DCTN2: variants seen among roughly 807,000 people sequenced by gnomAD.
DCTN2 encodes 50 kDa dynein-associated polypeptide.
A neutral mutation model predicts 55.4 loss-of-function variants in DCTN2; 18 were observed. The observed-to-expected ratio is 0.32, with a 90% CI of 0.22 to 0.48. The LOEUF (loss-of-function observed/expected upper bound fraction) is 0.48. Ranked by LOEUF, DCTN2 falls within the 20% of genes least tolerant of loss-of-function variation. The pLI is 0.99. For synonymous variants in DCTN2, 168 were observed against 185.2 expected (o/e 0.91, Z 0.76); for missense variants, 390 against 491.0 (o/e 0.79, Z 1.94).
rs781008845 is a variant in DCTN2, at chr12:57,530,638, CAG to C, written c.*49_*50del. ...GGGGAAACCCTATGTAAGCTGTTAACAGAGTTCACAGGGGTAGGGATAACCCC... is the reference window on the plus strand; with the variant it reads ...GGGGAAACCCTATGTAAGCTGTTAACAGTTCACAGGGGTAGGGATAACCCC... On this transcript the variant is annotated 3_prime_UTR_variant, in exon 14 of 14. Transcript: ENST00000548249. 4.0e-6 allele frequency: 6 copies of C among 1,489,050 alleles called. No individual in the cohort carries two copies. The highest frequency in any genetic ancestry group is 4.7e-6 in the Non-Finnish European group (5 of 1,071,744). The allele number at this position is 1,489,050 out of a possible 1,614,324, so 92.2% of individuals were successfully genotyped here.
At position 57,535,836 on chromosome 12, in the gene DCTN2, T is replaced by C; in HGVS notation, c.115A>G (p.Thr39Ala). 1 of 1,613,148 alleles carries C rather than the reference T, an allele frequency of 6.2e-7. No individual in the cohort carries two copies. Among genetic ancestry groups the C allele is most frequent in the Admixed American group, 1.7e-5 (1 of 59,882 alleles). ...ATGATGTGTTCCACACTTGTGCTTG[T>C]CAGCTCCTCCTGCAAGAACAGGTAG... ...DQAEFDAEEL[T>A]STSVEHIIVN... Residue 39 changes from threonine (T) to alanine (A), a missense_variant, in exon 3 of 14, where the codon ACA (threonine) becomes GCA (alanine). Physicochemically the swap from Thr to Ala is moderately conservative, Grantham distance 58 (BLOSUM62 0). Coordinates refer to ENST00000548249, the MANE Select transcript of DCTN2 (RefSeq NM_001261413.2).
chr12:57,546,206 G>A (rs1881139216), intron 1 of DCTN2, 110 bp from the exon 2 acceptor site: 2 of 1,026,920 alleles, frequency 1.9e-6, no homozygotes, highest in Admixed American at 3.9e-5. Flanking sequence ...TGATGTCAGG[G>A]TTCTGTCCTT....
intron 13 of DCTN2, among the ~76,000 whole-genome samples, chr12:57,531,023 CT>C (rs1454162925): frequency 6.6e-6 from 1 of 152,170 alleles, no homozygotes; most frequent in East Asian, 1.9e-4. Context: ...TTTTTAAAAT[CT>C]GTTTTATGTA....
chr12:57,541,847 C>T (rs1273774207), intron 2 of DCTN2, among the ~76,000 whole-genome samples: 1 of 152,174 alleles, frequency 6.6e-6, no homozygotes, highest in Non-Finnish European at 1.5e-5. Flanking sequence ...CCCCAATTAA[C>T]CTGGGAGTGT....
intron 2 of DCTN2, chr12:57,538,117 G>A (rs1457789179): frequency 1.5e-5 from 5 of 328,298 alleles, no homozygotes; most frequent in South Asian, 5.2e-5. Context: ...TCTTATTTAC[G>A]TTCCTAAGTA....
In DCTN2 at chr12:57,544,240, G is replaced by A. The variant is rs1345216434; in HGVS notation, c.105+1788C>T. On this transcript the variant is annotated intron_variant, in intron 2 of 13. Coordinates refer to ENST00000548249, the MANE Select transcript of DCTN2 (RefSeq NM_001261413.2). ...AGGACCTCCCTTGATACCAAAATCT[G>A]CATATGTTCCCATCTTCTATATAAA... The A allele has an allele frequency of 8.0e-6, 3 of 375,108 alleles. No individual in the cohort carries two copies. In the East Asian group the frequency reaches 2.2e-4, roughly 27 times the overall value. 23.2% of individuals were successfully genotyped at this position (375,108 alleles called of 1,614,324 possible). A position where few individuals can be genotyped will look rare whatever the true frequency, so the allele number is the denominator to read the frequency against.
At position 57,532,984 on chromosome 12, in the gene DCTN2, C is replaced by G; in HGVS notation, c.774G>C (p.Met258Ile). ...LSAGLQGACLMETVELLQAKV... is the reference protein window; with the variant it reads ...LSAGLQGACLIETVELLQAKV... ...ACACTCCAGTTTCTTCCAAACTCAC[C>G]ATGAGACAGGCTCCCTGTAGACCTG... The change falls in exon 9 of 14, where the codon ATG (methionine) becomes ATC (isoleucine). Residue 258 changes from methionine (M) to isoleucine (I), a missense_variant and splice_region_variant. By Grantham distance (10) the Met-to-Ile change is conservative (BLOSUM62 1). Coordinates refer to ENST00000548249, the MANE Select transcript of DCTN2 (RefSeq NM_001261413.2). 1.9e-6 allele frequency: 3 copies of G among 1,603,262 alleles called. No individual in the cohort carries two copies. Among genetic ancestry groups the G allele is most frequent in the Non-Finnish European group, 2.6e-6 (3 of 1,175,094 alleles).
At chr12:57,540,701 T>C (rs553551102) in intron 2 of DCTN2, among the ~76,000 whole-genome samples, 35 of 152,330 alleles carry the variant, frequency 2.3e-4, no homozygotes, top group African/African-American at 8.4e-4. Flanking sequence ...ACAAGGAAGA[T>C]GGACAGAGCT....
chr12:57,546,950 C>A, intron 1 of DCTN2, 78 bp downstream of exon 1: 2 of 1,161,370 alleles, frequency 1.7e-6, no homozygotes, highest in South Asian at 4.2e-5. Flanking sequence ...CGGGAGGGGT[C>A]GCGGGCTGGT....
rs1038138891 is a variant in DCTN2, at chr12:57,532,889, A to G, written c.775-79T>C. The G allele has an allele frequency of 8.2e-5, 131 of 1,596,980 alleles. No homozygotes were observed. In the South Asian group the frequency reaches 1.4e-3, roughly 17 times the overall value. On this transcript the variant is annotated intron_variant, in intron 9 of 13. Coordinates refer to ENST00000548249, the MANE Select transcript of DCTN2 (RefSeq NM_001261413.2). ...AGGCCTCCCATATTCCACTAAATTA[A>G]TATATAGCTACAAACTCAAAAATAA...
chr12:57,545,460 T>A (rs1881072736), intron 2 of DCTN2, among the ~76,000 whole-genome samples: 1 of 152,142 alleles, frequency 6.6e-6, no homozygotes, highest in African/African-American at 2.4e-5. Flanking sequence ...TTAAAATGTA[T>A]CCGTACCTAA....
chr12:57,538,921 T>C (rs374419013), intron 2 of DCTN2, among the ~76,000 whole-genome samples: 1 of 152,164 alleles, frequency 6.6e-6, no homozygotes, highest in African/African-American at 2.4e-5. Context: ...TTAGAAATGG[T>C]AGAAGATGAA....
At position 57,530,252 on chromosome 12, in the gene DCTN2, C is replaced by T. The variant is rs73346010; in HGVS notation, c.*437G>A. The T allele has an allele frequency of 6.4e-3, 997 of 155,626 alleles. 8 individuals are homozygous for T. The highest frequency in any genetic ancestry group is 0.023 in the African/African-American group (947 of 41,692). The allele number at this position is 155,626 out of a possible 1,614,324, so 9.6% of individuals were successfully genotyped here. On this transcript the variant is annotated 3_prime_UTR_variant, in exon 14 of 14. Transcript: ENST00000548249. Reference sequence around the variant, plus strand: ...GAGTGGCTTAGATTGCCTGTTATGACGAATGAATATCTATATCCTAGTGCT... The same window carrying T: ...GAGTGGCTTAGATTGCCTGTTATGATGAATGAATATCTATATCCTAGTGCT...
intron 2 of DCTN2, among the ~76,000 whole-genome samples, chr12:57,538,967 G>A (rs967286851): frequency 1.3e-5 from 2 of 152,226 alleles, no homozygotes; most frequent in East Asian, 3.8e-4. Flanking sequence ...GTAGCTGATA[G>A]AGGGTCAATA....
At position 57,534,471 on chromosome 12, in the gene DCTN2, G is replaced by GAA. The variant is rs764358888; in HGVS notation, c.364-21_364-20dup. On this transcript the variant is annotated intron_variant, in intron 5 of 13. Transcript: ENST00000548249. ...CTGTCGTCTAGTATGAAAAAAGGTAGAAATCGGGGGATGGCAAGAATGAAT... is the reference window on the plus strand; with the variant it reads ...CTGTCGTCTAGTATGAAAAAAGGTAGAAAAATCGGGGGATGGCAAGAATGAAT... The GAA allele has an allele frequency of 6.4e-7, 1 of 1,565,128 alleles. No individual in the cohort carries two copies. The highest frequency in any genetic ancestry group is 1.2e-5 in the South Asian group (1 of 85,572).
intron 8 of DCTN2, 38 bp from the exon 9 acceptor site, chr12:57,533,060 T>C (rs1419460796): frequency 4.4e-6 from 7 of 1,579,470 alleles, no homozygotes; most frequent in Admixed American, 1.8e-5. Flanking sequence ...GTGGTCCTTA[T>C]ATCTCCATGA....
At chr12:57,542,835 T>A in intron 2 of DCTN2, 1 of 454,808 alleles carries the variant, frequency 2.2e-6, no homozygotes, top group South Asian at 1.6e-5. Context: ...CAAAAAGAAA[T>A]CTGGAGACCC....
chr12:57,535,430 G>A (rs1178669298), intron 4 of DCTN2, 54 bp downstream of exon 4: 26 of 1,595,360 alleles, frequency 1.6e-5, no homozygotes, highest in Non-Finnish European at 2.1e-5. Flanking sequence ...CTACATGTCT[G>A]CTAGATAGGG....
Position 57,532,498 on chromosome 12 carries a change from G to A in DCTN2, c.924+74C>T, listed in dbSNP as rs967613512. 35 of 1,516,160 alleles carry A rather than the reference G, an allele frequency of 2.3e-5. 1 individual carries two copies. The Admixed American group carries it at 5.7e-4, about 25-fold the overall frequency. 93.9% of individuals were successfully genotyped at this position (1,516,160 alleles called of 1,614,324 possible). A position where few individuals can be genotyped will look rare whatever the true frequency, so the allele number is the denominator to read the frequency against. On this transcript the variant is annotated intron_variant, in intron 11 of 13. Transcript: ENST00000548249. ...AGATGGGGACCTGAGGAGTCAGTGTGTTCTCATGCTTTGACACTGCCACTC... is the reference window on the plus strand; with the variant it reads ...AGATGGGGACCTGAGGAGTCAGTGTATTCTCATGCTTTGACACTGCCACTC...
Sources: allele counts gnomAD v4.1 joint callset (sites outside exome capture counted in the v4.1 genomes callset), GRCh38; gene constraint gnomAD v4.1.1; transcripts MANE v1.5; gene names NCBI Gene and HGNC (gene_info 2026-07-23, HGNC 2026-07-21).